ADCY7: variants seen among roughly 807,000 people sequenced by gnomAD.
The protein encoded by ADCY7 is adenylate cyclase type 7.
ADCY7 carries 72 observed loss-of-function variants against 120.6 expected under a neutral mutation model. That is an observed-to-expected ratio of 0.60 (90% CI 0.49 to 0.73). The LOEUF (loss-of-function observed/expected upper bound fraction) is 0.73. Among genes scored for constraint, ADCY7 ranks in the 30% least tolerant of loss-of-function variants. ADCY7 has a pLI of 0.00. For synonymous variants in ADCY7, 661 were observed against 628.0 expected, an observed-to-expected ratio of 1.05 and a Z score of -0.78; for missense variants, 1,227 against 1,486.0, an observed-to-expected ratio of 0.83 and a Z score of 2.87.
intron 1 of ADCY7, among the ~76,000 whole-genome samples, chr16:50,252,977 A>C (rs1282068065): frequency 6.6e-6 from 1 of 152,144 alleles, no homozygotes; most frequent in East Asian, 1.9e-4. Flanking sequence ...GAGCATTACA[A>C]CTTTCTTTAT....
intron 22 of ADCY7, chr16:50,313,738 G>C: frequency 1.8e-6 from 1 of 561,272 alleles, no homozygotes; most frequent in Non-Finnish European, 3.2e-6. Context: ...AGGGAAGAGG[G>C]AGACAGTGTG....
intron 3 of ADCY7, 44 bp downstream of exon 3, chr16:50,290,704 C>T (rs368173576): frequency 4.7e-5 from 75 of 1,582,098 alleles, no homozygotes; most frequent in Non-Finnish European, 5.9e-5. Flanking sequence ...CCTTCAGCAG[C>T]TCCCATCCCC....
chr16:50,294,910 G>C (rs1003043304), intron 7 of ADCY7, among the ~76,000 whole-genome samples, 159 bp downstream of exon 7: 1 of 152,226 alleles, frequency 6.6e-6, no homozygotes, highest in Non-Finnish European at 1.5e-5. Context: ...TGGTAAAGGT[G>C]GGGGTGAGTG....
chr16:50,307,944 C>T (rs974655677), intron 15 of ADCY7, among the ~76,000 whole-genome samples: 18 of 139,600 alleles, frequency 1.3e-4, no homozygotes, highest in Admixed American at 1.0e-3. Flanking sequence ...TGCAGTGAGC[C>T]GAGATCATGC....
chr16:50,248,206 C>T (rs1460182311), intron 1 of ADCY7, among the ~76,000 whole-genome samples: 1 of 152,242 alleles, frequency 6.6e-6, no homozygotes, highest in Middle Eastern at 3.2e-3. Flanking sequence ...GGGCAGCACA[C>T]ATTCCCTGCC....
rs1428362291 is a variant in ADCY7 at position 50,313,081 on chromosome 16, T to C, written c.2751+45T>C. On this transcript the variant is annotated intron_variant, in intron 22 of 25. Transcript: ENST00000673801. The stretch of plus-strand genomic sequence containing the variant: ...CTTGCGCAGCAGCCCCCACCCATGC[T>C]GGAGAGGGAAGGGCGGTGGCACCTG... The C allele has an allele frequency of 5.0e-6, 8 of 1,609,110 alleles. 1 individual carries two copies. The East Asian group carries it at 8.9e-5, about 18-fold the overall frequency.
chr16:50,305,542 C>T lies in ADCY7; in HGVS notation c.1635C>T (p.Tyr545=), dbSNP rs75931438. 1,862 of 1,608,946 alleles carry T rather than the reference C, an allele frequency of 1.2e-3. 18 individuals carry two copies. In the African/African-American group the frequency reaches 0.02, roughly 18 times the overall value. The change falls in exon 13 of 26, where the codon TAC becomes TAT. Residue 545 remains tyrosine (Y), a synonymous_variant. Coordinates refer to ENST00000673801, the MANE Select transcript of ADCY7 (RefSeq NM_001114.5). ...SPKGRSEDDS[Y]DDEMLSAIEG... ...AGGGGCGGTCGGAGGATGACTCGTA[C>T]GATGACGAGATGCTGTCAGCCATTG...
At chr16:50,268,922 AG>A (rs1477327584) in intron 1 of ADCY7, among the ~76,000 whole-genome samples, 1 of 152,184 alleles carries the variant, frequency 6.6e-6, no homozygotes, top group Non-Finnish European at 1.5e-5. Flanking sequence ...CTGTAGTCCC[AG>A]CTACTTGGGA....
At chr16:50,301,314 G>A (rs1248201296) in intron 10 of ADCY7, 100 bp downstream of exon 10, 7 of 1,438,908 alleles carry the variant, frequency 4.9e-6, no homozygotes, top group Non-Finnish European at 5.5e-6. Context: ...CATGTGGAGG[G>A]AGAGGTGGGG....
Position 50,313,989 on chromosome 16 carries a change from A to G in ADCY7, c.2783A>G (p.Glu928Gly). The stretch of plus-strand genomic sequence containing the variant: ...CTGAAGCCCAAGTTCAGCGGCGTGG[A>G]GAAGATCAAGACCATCGGCAGCACG... ...LLLKPKFSGV[E>G]KIKTIGSTYM... Residue 928 changes from glutamate to glycine, a missense_variant, in exon 23 of 26, where the codon GAG becomes GGG. This residue lies in a region of ADCY7 where 244 missense variants were observed against 332.8 expected (regional missense o/e 0.73). Transcript: ENST00000673801. 6.2e-7 allele frequency: 1 copy of G among 1,614,072 alleles called. No homozygotes were observed.
intron 1 of ADCY7, among the ~76,000 whole-genome samples, chr16:50,284,905 G>A (rs138651233): frequency 3.3e-5 from 5 of 152,354 alleles, no homozygotes; most frequent in African/African-American, 7.2e-5. Context: ...TGCAGGTGCC[G>A]GGGGTGACAG....
At chr16:50,264,203 T>C (rs1215388978), upstream of ADCY7, among the ~76,000 whole-genome samples, 3 of 152,322 alleles carry the variant, frequency 2.0e-5, no homozygotes, top group African/African-American at 7.2e-5. Flanking sequence ...TTTCTGAAGT[T>C]TCATATAAAT....
In ADCY7 at chr16:50,291,890, G is replaced by A. The variant is rs1436365160; in HGVS notation, c.530G>A (p.Gly177Glu). The A allele has an allele frequency of 6.2e-7, 1 of 1,610,294 alleles. No homozygotes were observed. Among genetic ancestry groups the A allele is most frequent in the Non-Finnish European group, 8.5e-7 (1 of 1,177,832 alleles). The change falls in exon 4 of 26, where the codon GGG becomes GAG. Residue 177 changes from glycine to glutamate, a missense_variant. Physicochemically the swap from Gly to Glu is moderately conservative, Grantham distance 98. Coordinates refer to ENST00000673801, the MANE Select transcript of ADCY7 (RefSeq NM_001114.5). ...GGFTTPSVRVGLQLLANAVIF... is the reference protein window; with the variant it reads ...GGFTTPSVRVELQLLANAVIF... The stretch of plus-strand genomic sequence containing the variant: ...TTCACGACACCCAGTGTCCGGGTGG[G>A]GCTGCAGGTGAGGGATGGGCTAAGG...
upstream of ADCY7, among the ~76,000 whole-genome samples, chr16:50,244,701 T>G (rs1192238954): frequency 6.6e-6 from 1 of 152,236 alleles, no homozygotes; most frequent in Non-Finnish European, 1.5e-5. Flanking sequence ...CTTTCTTCAC[T>G]GCTGCCGGGA....
At chr16:50,306,586 C>T (rs139682485) in intron 14 of ADCY7, among the ~76,000 whole-genome samples, 7,027 of 48,862 alleles carry the variant, frequency 0.14, 265 homozygotes, top group Non-Finnish European at 0.19. Context: ...GGGTGGGGGG[C>T]GGGATGGTCT....
intron 17 of ADCY7, chr16:50,309,324 G>A (rs1220884074): frequency 2.6e-5 from 13 of 507,572 alleles, no homozygotes; most frequent in Middle Eastern, 5.1e-4. Flanking sequence ...GGCTGCTGCC[G>A]CTCTGGGGGT....
intron 19 of ADCY7, among the ~76,000 whole-genome samples, chr16:50,311,432 G>T (rs2036450663): frequency 6.6e-6 from 1 of 152,078 alleles, no homozygotes; most frequent in Non-Finnish European, 1.5e-5. Context: ...ACCAGTTCTG[G>T]GCTCCCTTCA....
intron 1 of ADCY7, among the ~76,000 whole-genome samples, chr16:50,276,676 G>C (rs370950738): frequency 6.6e-6 from 1 of 152,166 alleles, no homozygotes; most frequent in Non-Finnish European, 1.5e-5. Context: ...ACTTGCTGCA[G>C]CCTTAACCTG....
intron 4 of ADCY7, 121 bp downstream of exon 4, chr16:50,292,018 G>A (rs1283098766): frequency 1.5e-5 from 17 of 1,135,888 alleles, no homozygotes; most frequent in African/African-American, 4.7e-5. Context: ...CAGACAGCCC[G>A]CTCCAAGGCC....
Sources: gnomAD v4.1 joint callset for allele counts (sites outside exome capture counted in the v4.1 genomes callset) on GRCh38, gnomAD v4.1.1 for gene constraint, gnomAD v4.1.1 regional missense constraint, MANE v1.5 for transcripts, NCBI Gene and HGNC (gene_info 2026-07-23, HGNC 2026-07-21) for gene names.